Variants in TMEM97 observed in about 807,000 individuals in gnomAD.
TMEM97 encodes the protein transmembrane protein 97.
A neutral mutation model predicts 18.3 loss-of-function variants in TMEM97; 13 were observed. The ratio of observed to expected loss-of-function variants is 0.71; its 90% CI spans 0.46 to 1.13. The LOEUF is 1.13. Ranked by LOEUF, TMEM97 falls within the 50% of genes most tolerant of loss-of-function variation. TMEM97 has a pLI of 0.00. For missense variants in TMEM97, 205 were observed against 210.5 expected, an observed-to-expected ratio of 0.97 and a Z score of 0.16; for synonymous variants, 76 against 85.3, an observed-to-expected ratio of 0.89 and a Z score of 0.60.
chr17:28,322,549 A>C (rs1482294892), intron 1 of TMEM97, among the ~76,000 whole-genome samples: 1 of 152,142 alleles, frequency 6.6e-6, no homozygotes, highest in Non-Finnish European at 1.5e-5. Flanking sequence ...TGGCCTGGAA[A>C]AACTCTTATT....
intron 1 of TMEM97, among the ~76,000 whole-genome samples, chr17:28,322,689 C>G (rs1481946194): frequency 6.6e-6 from 1 of 152,188 alleles, no homozygotes; most frequent in Non-Finnish European, 1.5e-5. Flanking sequence ...AAGTGAGCAT[C>G]TGGCTCTGAA....
chr17:28,325,225 A>C (rs1906285494), intron 1 of TMEM97, among the ~76,000 whole-genome samples: 1 of 152,214 alleles, frequency 6.6e-6, no homozygotes, highest in Admixed American at 6.5e-5. Context: ...TGGATGTGTT[A>C]TCTTGGAATT....
At chr17:28,325,991 T>C (rs1470715106) in intron 2 of TMEM97, among the ~76,000 whole-genome samples, 1 of 152,270 alleles carries the variant, frequency 6.6e-6, no homozygotes, top group Non-Finnish European at 1.5e-5. Context: ...CGTTGGATAG[T>C]ATCATACTGA....
At chr17:28,325,118 GT>G (rs532406912) in intron 1 of TMEM97, among the ~76,000 whole-genome samples, 5 of 152,286 alleles carry the variant, frequency 3.3e-5, no homozygotes, top group South Asian at 4.1e-4. Context: ...GAATGATATT[GT>G]TGACAGAAAT....
rs782134332 is a variant in TMEM97 at position 28,326,520 on chromosome 17, CCT to C, written c.272-13_272-12del. The C allele has an allele frequency of 2.7e-5, 43 of 1,608,808 alleles. No individual in the cohort carries two copies. The African/African-American group carries it at 4.2e-4, about 16-fold the overall frequency. On this transcript the variant is annotated splice_polypyrimidine_tract_variant and intron_variant, in intron 2 of 2. Transcript: ENST00000226230. The stretch of plus-strand genomic sequence containing the variant: ...ACAGACCTAACCATTTTTCTTTTCC[CCT>C]GACTACCTCAGGAAGCTGCAAGTGG...
At chr17:28,321,055 C>G (rs1230238597) in intron 1 of TMEM97, among the ~76,000 whole-genome samples, 3 of 152,238 alleles carry the variant, frequency 2.0e-5, no homozygotes, top group Admixed American at 6.5e-5. Flanking sequence ...GGCCATTATT[C>G]AGCCTACTAC....
At chr17:28,324,626 G>C (rs1418878919) in intron 1 of TMEM97, 4 of 152,140 alleles carry the variant, frequency 2.6e-5, no homozygotes, top group Non-Finnish European at 4.4e-5. Flanking sequence ...CTAGGCTTTG[G>C]GCTCCTATAA....
At chr17:28,323,263 A>G (rs568986781) in intron 1 of TMEM97, among the ~76,000 whole-genome samples, 1 of 152,312 alleles carries the variant, frequency 6.6e-6, no homozygotes, top group Non-Finnish European at 1.5e-5. Flanking sequence ...ATAATTCATT[A>G]TTACGACATC....
Position 28,326,552 on chromosome 17 carries a change from G to T in TMEM97, c.290G>T (p.Arg97Leu). 6.2e-7 allele frequency: 1 copy of T among 1,613,496 alleles called. No individual in the cohort carries two copies. Among genetic ancestry groups the T allele is most frequent in the Admixed American group, 1.7e-5 (1 of 60,000 alleles). ...AFLKGSCKWI[R>L]TPAIIYSVHT... ...ACCTCAGGAAGCTGCAAGTGGATTCGAACTCCTGCAATCATCTACTCTGTT... is the reference window on the plus strand; with the variant it reads ...ACCTCAGGAAGCTGCAAGTGGATTCTAACTCCTGCAATCATCTACTCTGTT... The change falls in exon 3 of 3, where the codon CGA becomes CTA. Residue 97 changes from arginine to leucine, a missense_variant. Arg to Leu is a moderately radical substitution (Grantham distance 102). Coordinates refer to ENST00000226230, the MANE Select transcript of TMEM97 (RefSeq NM_014573.3).
In TMEM97 at chr17:28,325,577, G is replaced by A; in HGVS notation, c.201G>A (p.Lys67=). ...PLLQEPPAWF[K]SFLFCELVFQ... The stretch of plus-strand genomic sequence containing the variant: ...TACAGGAGCCCCCAGCCTGGTTTAA[G>A]TCCTTTCTGTTTTGCGAGCTTGTGT... Residue 67 remains lysine, a synonymous_variant, in exon 2 of 3, where the codon AAG becomes AAA. Transcript: ENST00000226230. The A allele has an allele frequency of 1.2e-6, 2 of 1,614,234 alleles. No individual in the cohort carries two copies. The highest frequency in any genetic ancestry group is 1.7e-6 in the Non-Finnish European group (2 of 1,180,044).
At chr17:28,325,694 C>G in intron 2 of TMEM97, 47 bp downstream of exon 2, 1 of 1,611,186 alleles carries the variant, frequency 6.2e-7, no homozygotes, top group African/African-American at 1.3e-5. Flanking sequence ...AAATCAGGTC[C>G]CAGAAATCTT....
rs1906374949 is a variant in TMEM97 at position 28,326,907 on chromosome 17, A to G, written c.*114A>G. On this transcript the variant is annotated 3_prime_UTR_variant, in exon 3 of 3. Transcript: ENST00000226230. Reference sequence around the variant, plus strand: ...CTTCAGCAGCATTTGAAACACTGGCAGCAATGCACAAGAGCAAGATGGTGT... The same window carrying G: ...CTTCAGCAGCATTTGAAACACTGGCGGCAATGCACAAGAGCAAGATGGTGT... 1 of 1,269,344 alleles carries G rather than the reference A, an allele frequency of 7.9e-7. No individual in the cohort carries two copies. Among genetic ancestry groups the G allele is most frequent in the Non-Finnish European group, 1.1e-6 (1 of 921,814 alleles). 78.6% of individuals were successfully genotyped at this position (1,269,344 alleles called of 1,614,324 possible).
chr17:28,325,449 C>T (rs961029240), intron 1 of TMEM97, 54 bp from the exon 2 acceptor site: 385 of 1,601,122 alleles, frequency 2.4e-4, no homozygotes, highest in Middle Eastern at 8.4e-4. Flanking sequence ...GAGCTAGCGC[C>T]GAGCCTGTTG....
At position 28,328,508 on chromosome 17, in the gene TMEM97, TG is replaced by T; in HGVS notation, c.*1716del. 1 of 660,728 alleles carries T rather than the reference TG, an allele frequency of 1.5e-6. No individual in the cohort carries two copies. The highest frequency in any genetic ancestry group is 1.7e-5 in the South Asian group (1 of 58,158). 40.9% of individuals were successfully genotyped at this position (660,728 alleles called of 1,614,324 possible). On this transcript the variant is annotated 3_prime_UTR_variant, in exon 3 of 3. Transcript: ENST00000226230. ...ACTGGCTCCCCCAGACTTGTAGTGC[TG>T]TCTTCAGGGGGCTGCATTCCTTACA...
At position 28,328,569 on chromosome 17, in the gene TMEM97, C is replaced by CTT. The variant is rs1906483345; in HGVS notation, c.*1776_*1777insTT. On this transcript the variant is annotated 3_prime_UTR_variant, in exon 3 of 3. Coordinates refer to ENST00000226230, the MANE Select transcript of TMEM97 (RefSeq NM_014573.3). Reference sequence around the variant, plus strand: ...TTGTGACATAGGTCATTGGTCAAGCCGCTGGAATGCTACAGAGGTTTTTTT... The same window carrying CTT: ...TTGTGACATAGGTCATTGGTCAAGCCTTGCTGGAATGCTACAGAGGTTTTTTT... 4 of 833,340 alleles carry CTT rather than the reference C, an allele frequency of 4.8e-6. No individual in the cohort carries two copies. The highest frequency in any genetic ancestry group is 7.8e-6 in the Non-Finnish European group (4 of 511,256). 51.6% of individuals were successfully genotyped at this position (833,340 alleles called of 1,614,324 possible). A position where few individuals can be genotyped will look rare whatever the true frequency, so the allele number is the denominator to read the frequency against.
chr17:28,319,521 T>C, intron 1 of TMEM97, 156 bp downstream of exon 1: 2 of 934,506 alleles, frequency 2.1e-6, no homozygotes, highest in Non-Finnish European at 3.0e-6. Flanking sequence ...TTTAGTTCGG[T>C]GTTTTCCTCG....
Position 28,326,885 on chromosome 17 carries a change from C to A in TMEM97, c.*92C>A. ...GAACACTGCTCAGAACCCACGTCTT[C>A]AGCAGCATTTGAAACACTGGCAGCA... On this transcript the variant is annotated 3_prime_UTR_variant, in exon 3 of 3. Coordinates refer to ENST00000226230, the MANE Select transcript of TMEM97 (RefSeq NM_014573.3). The A allele has an allele frequency of 6.9e-7, 1 of 1,444,970 alleles. No individual in the cohort carries two copies. The highest frequency in any genetic ancestry group is 9.3e-7 in the Non-Finnish European group (1 of 1,078,546). 89.5% of individuals were successfully genotyped at this position (1,444,970 alleles called of 1,614,324 possible). A position where few individuals can be genotyped will look rare whatever the true frequency, so the allele number is the denominator to read the frequency against.
In TMEM97 at chr17:28,325,631, G is replaced by T; in HGVS notation, c.255G>T (p.Thr85=). 6.2e-7 allele frequency: 1 copy of T among 1,614,100 alleles called. No homozygotes were observed. Among genetic ancestry groups the T allele is most frequent in the Non-Finnish European group, 8.5e-7 (1 of 1,180,028 alleles). The change falls in exon 2 of 3, where the codon ACG becomes ACT. Residue 85 remains threonine, a synonymous_variant. Transcript: ENST00000226230. ...AGCTGCCTTTCTTTCCCATTGCAAC[G>T]TATGCCTTCCTCAAAGGTTGGTAAA... ...VFQLPFFPIA[T]YAFLKGSCKW...
chr17:28,326,930 T>C lies in TMEM97; in HGVS notation c.*137T>C. Reference sequence around the variant, plus strand: ...GCAGCAATGCACAAGAGCAAGATGGTGTCAGGAACCATGTCAAACCCTCAC... The same window carrying C: ...GCAGCAATGCACAAGAGCAAGATGGCGTCAGGAACCATGTCAAACCCTCAC... On this transcript the variant is annotated 3_prime_UTR_variant, in exon 3 of 3. Coordinates refer to ENST00000226230, the MANE Select transcript of TMEM97 (RefSeq NM_014573.3). 3 of 1,107,756 alleles carry C rather than the reference T, an allele frequency of 2.7e-6. No homozygotes were observed. Among genetic ancestry groups the C allele is most frequent in the Non-Finnish European group, 3.9e-6 (3 of 778,636 alleles). The allele number at this position is 1,107,756 out of a possible 1,614,324, so 68.6% of individuals were successfully genotyped here.
Sources: allele counts gnomAD v4.1 joint callset (sites outside exome capture counted in the v4.1 genomes callset), GRCh38; gene constraint gnomAD v4.1.1; transcripts MANE v1.5; gene names NCBI Gene and HGNC (gene_info 2026-07-23, HGNC 2026-07-21).